The following LRBA variants were observed in gnomAD, a reference collection of about 807,000 sequenced individuals.
LRBA encodes LPS responsive beige-like anchor protein.
Under a neutral mutation model 330.0 loss-of-function variants are expected in LRBA, and 176 were observed. That is an observed-to-expected ratio of 0.53 (90% CI 0.47 to 0.60). The LOEUF is 0.60. Ranked by LOEUF, LRBA falls within the 20% of genes least tolerant of loss-of-function variation. LRBA has a pLI of 0.00. For missense variants in LRBA, 3,259 were observed against 3,444.8 expected, an observed-to-expected ratio of 0.95 and a Z score of 1.35; for synonymous variants, 1,230 against 1,193.0, an observed-to-expected ratio of 1.03 and a Z score of -0.64.
intron 53 of LRBA, among the ~76,000 whole-genome samples, chr4:150,301,117 G>C (rs905657365): frequency 1.3e-5 from 2 of 151,858 alleles, no homozygotes; most frequent in Non-Finnish European, 2.9e-5. Flanking sequence ...TCGGTAACTG[G>C]ATTTACAGAA....
At chr4:150,891,457 A>AT (rs1729450887) in intron 17 of LRBA, among the ~76,000 whole-genome samples, 1 of 152,192 alleles carries the variant, frequency 6.6e-6, no homozygotes, top group Admixed American at 6.5e-5. Context: ...CTTTGAAGGT[A>AT]TTTTTTGGAT....
At chr4:150,658,977 C>G (rs1780651816) in intron 37 of LRBA, among the ~76,000 whole-genome samples, 1 of 86,974 alleles carries the variant, frequency 1.1e-5, no homozygotes, top group Non-Finnish European at 2.7e-5. Flanking sequence ...CCTCGGCCTC[C>G]CGAGGTGCCG....
intron 2 of LRBA, among the ~76,000 whole-genome samples, chr4:150,981,887 C>T (rs1456673299): frequency 2.0e-5 from 3 of 149,268 alleles, no homozygotes; most frequent in African/African-American, 7.4e-5. Context: ...GGTGTGAACC[C>T]GGGAGGCGGA....
At chr4:150,694,481 T>C (rs1784446277) in intron 36 of LRBA, among the ~76,000 whole-genome samples, 1 of 19,306 alleles carries the variant, frequency 5.2e-5, no homozygotes, top group African/African-American at 9.1e-5. Context: ...AAAAAAGCTA[T>C]CTACAGAAAC....
At chr4:150,509,175 A>AT (rs1761525257) in intron 40 of LRBA, among the ~76,000 whole-genome samples, 1 of 152,144 alleles carries the variant, frequency 6.6e-6, no homozygotes, top group African/African-American at 2.4e-5. Context: ...CAAAATATAC[A>AT]TATTATTAAA....
At chr4:150,967,031 T>C (rs1738981028) in intron 2 of LRBA, among the ~76,000 whole-genome samples, 4 of 152,228 alleles carry the variant, frequency 2.6e-5, no homozygotes. Context: ...ATTTACTCCA[T>C]AAACTTAAAA....
At chr4:150,646,961 T>A (rs1561466801) in intron 37 of LRBA, among the ~76,000 whole-genome samples, 1 of 152,062 alleles carries the variant, frequency 6.6e-6, no homozygotes, top group Non-Finnish European at 1.5e-5. Flanking sequence ...AAAAGAGATA[T>A]TCAGTGTGTA....
chr4:150,851,350 T>C (rs532803772), intron 23 of LRBA, among the ~76,000 whole-genome samples: 5 of 152,172 alleles, frequency 3.3e-5, no homozygotes, highest in African/African-American at 4.8e-5. Flanking sequence ...AGGATAAGAA[T>C]TGAATAAAGT....
At chr4:150,327,032 A>G (rs899836495) in intron 48 of LRBA, among the ~76,000 whole-genome samples, 6 of 152,192 alleles carry the variant, frequency 3.9e-5, no homozygotes, top group African/African-American at 1.4e-4. Context: ...TAAAATGGGA[A>G]CCTGAAGGCT....
intron 53 of LRBA, among the ~76,000 whole-genome samples, chr4:150,298,287 ATAC>A (rs1729213011): frequency 6.6e-6 from 1 of 152,146 alleles, no homozygotes; most frequent in Non-Finnish European, 1.5e-5. Context: ...ACATGTTATG[ATAC>A]TACTTTTCTT....
intron 45 of LRBA, 80 bp downstream of exon 45, chr4:150,436,644 G>A: frequency 8.5e-7 from 1 of 1,174,506 alleles, no homozygotes; most frequent in Non-Finnish European, 1.2e-6. Context: ...AAAAAAATAT[G>A]CTTATGAGTT....
intron 2 of LRBA, among the ~76,000 whole-genome samples, chr4:150,936,005 A>G (rs1183775992): frequency 6.6e-6 from 1 of 152,024 alleles, no homozygotes; most frequent in Non-Finnish European, 1.5e-5. Context: ...AGTATTTTCA[A>G]TTTGGTGAAA....
chr4:150,559,872 TAATTATATATAATTATATATA>T (rs1295899457), intron 40 of LRBA, among the ~76,000 whole-genome samples: 2 of 18,216 alleles, frequency 1.1e-4, no homozygotes, highest in East Asian at 2.5e-3. Context: ...ATATAATATA[TAATTATATATAATTATATATA>T]ATTATATATA....
intron 4 of LRBA, among the ~76,000 whole-genome samples, chr4:150,926,275 G>T (rs1400654913): frequency 3.3e-5 from 5 of 152,136 alleles, no homozygotes; most frequent in Non-Finnish European, 5.9e-5. Context: ...GAATTGTTGA[G>T]ACCCTACTAG....
At chr4:150,970,690 C>T (rs1180537328) in intron 2 of LRBA, 1 of 151,998 alleles carries the variant, frequency 6.6e-6, no homozygotes, top group Non-Finnish European at 1.5e-5. Context: ...TCTGCAATAT[C>T]TCCAAGGTAT....
intron 37 of LRBA, among the ~76,000 whole-genome samples, chr4:150,631,121 A>C (rs1777333964): frequency 6.6e-6 from 1 of 151,994 alleles, no homozygotes; most frequent in Admixed American, 6.6e-5. Flanking sequence ...TTTCTCCTAG[A>C]AATAGTGGCA....
At chr4:150,939,427 T>C (rs1735435884) in intron 2 of LRBA, among the ~76,000 whole-genome samples, 1 of 152,162 alleles carries the variant, frequency 6.6e-6, no homozygotes, top group African/African-American at 2.4e-5. Flanking sequence ...ATGTCAAAGA[T>C]TGCCAGCAAA....
intron 40 of LRBA, among the ~76,000 whole-genome samples, chr4:150,510,613 T>C (rs1361416622): frequency 6.6e-6 from 1 of 152,242 alleles, no homozygotes; most frequent in African/African-American, 2.4e-5. Context: ...CCTTTTGTAG[T>C]ACATTCCAAC....
At chr4:150,477,513 T>C (rs1343743892) in intron 42 of LRBA, among the ~76,000 whole-genome samples, 1 of 152,026 alleles carries the variant, frequency 6.6e-6, no homozygotes, top group East Asian at 1.9e-4. Context: ...CTCACTATCA[T>C]GAGAACAACA....
Sources: gnomAD v4.1 joint callset for allele counts (sites outside exome capture counted in the v4.1 genomes callset) on GRCh38, gnomAD v4.1.1 for gene constraint, MANE v1.5 for transcripts, NCBI Gene and HGNC (gene_info 2026-07-23, HGNC 2026-07-21) for gene names.